NEURL4: variants seen among roughly 807,000 people sequenced by gnomAD.
The protein encoded by NEURL4 is neuralized E3 ubiquitin protein ligase 4, also known as neuralized-like protein 4.
Under a neutral mutation model 148.0 loss-of-function variants are expected in NEURL4, and 45 were observed. The observed-to-expected ratio is 0.30, with a 90% CI of 0.24 to 0.39. NEURL4 has a LOEUF of 0.39. NEURL4 is among the 10% of genes least tolerant of loss of function. NEURL4 has a pLI of 1.00. For missense variants in NEURL4, 1,776 were observed against 2,144.0 expected (o/e 0.83, Z 3.39); for synonymous variants, 854 against 869.0 (o/e 0.98, Z 0.30).
chr17:7,325,144 T>TTGGGGGGG, intron 8 of NEURL4, 65 bp downstream of exon 8: 47 of 956,372 alleles, frequency 4.9e-5, no homozygotes, highest in Non-Finnish European at 6.2e-5. Context: ...TCCACTTCCT[T>TTGGGGGGG]GCCCCGCCCC....
intron 8 of NEURL4, 65 bp downstream of exon 8, chr17:7,325,144 T>TTGGGGGGGGGGGGGGGGGGGG: frequency 7.3e-6 from 7 of 956,486 alleles, no homozygotes; most frequent in Non-Finnish European, 1.1e-5. Flanking sequence ...TCCACTTCCT[T>TTGGGGGGGGGGGGGGGGGGGG]GCCCCGCCCC....
In NEURL4 at chr17:7,317,780, A is replaced by G. The variant is rs779277383; in HGVS notation, c.4205+8T>C. The G allele has an allele frequency of 1.1e-5, 18 of 1,612,736 alleles. No homozygotes were observed. Among genetic ancestry groups the G allele is most frequent in the Non-Finnish European group, 1.3e-5 (15 of 1,179,762 alleles). On this transcript the variant is annotated splice_region_variant and intron_variant, in intron 26 of 28. Coordinates refer to ENST00000399464, the MANE Select transcript of NEURL4 (RefSeq NM_032442.3). ...GTAGGGGAAAGGCATGACCTTGCCCATATGTACCTGAGGTTGAACCTGCAC... is the reference window on the plus strand; with the variant it reads ...GTAGGGGAAAGGCATGACCTTGCCCGTATGTACCTGAGGTTGAACCTGCAC...
Position 7,321,383 on chromosome 17 carries a change from G to A in NEURL4, c.3176C>T (p.Pro1059Leu). 1 of 1,614,090 alleles carries A rather than the reference G, an allele frequency of 6.2e-7. No individual in the cohort carries two copies. The highest frequency in any genetic ancestry group is 1.1e-5 in the South Asian group (1 of 91,078). Residue 1059 changes from proline (P) to leucine (L), a missense_variant, in exon 19 of 29, where the codon CCT (proline) becomes CTT (leucine). By Grantham distance (98) the Pro-to-Leu change is moderately conservative. Transcript: ENST00000399464. This position sits in a 1 kb window ranked among gnomAD's most constrained non-coding sequence, Gnocchi z 6.3. ...TACCTTGGCAATGCCAGTGGCTGCA[G>A]GCCCCATATCCTCTCCATCCACCAG... ...HILVDGEDMG[P>L]AATGIAKNVW...
Position 7,317,555 on chromosome 17 carries a change from C to T in NEURL4, c.4224G>A (p.Glu1408=), listed in dbSNP as rs1352741781. ...RFNLRVNPRL[E]AGTLTKKWHM... Reference sequence around the variant, plus strand: ...GCCACTTCTTGGTTAGTGTCCCAGCCTCCAGGCGGGGATTCACTCTAGGAG... The same window carrying T: ...GCCACTTCTTGGTTAGTGTCCCAGCTTCCAGGCGGGGATTCACTCTAGGAG... The change falls in exon 27 of 29, where the codon GAG becomes GAA. Residue 1408 remains glutamate (E), a synonymous_variant. Coordinates refer to ENST00000399464, the MANE Select transcript of NEURL4 (RefSeq NM_032442.3). The T allele has an allele frequency of 2.3e-5, 37 of 1,614,080 alleles. No homozygotes were observed. The highest frequency in any genetic ancestry group is 3.1e-5 in the Non-Finnish European group (36 of 1,180,022).
In NEURL4 at chr17:7,317,389, C is replaced by G; in HGVS notation, c.4319-19G>C. The stretch of plus-strand genomic sequence containing the variant: ...GCAGTACCTGGGAGGAGAACTGGGT[C>G]AGGATAGCCCTTTTTATTCCTCCAC... On this transcript the variant is annotated intron_variant, in intron 27 of 28. Coordinates refer to ENST00000399464, the MANE Select transcript of NEURL4 (RefSeq NM_032442.3). 1 of 1,598,492 alleles carries G rather than the reference C, an allele frequency of 6.3e-7. No homozygotes were observed. The highest frequency in any genetic ancestry group is 8.5e-7 in the Non-Finnish European group (1 of 1,171,274).
chr17:7,317,272 GCTGCTC>G lies in NEURL4; in HGVS notation c.4411_4416del (p.Glu1471_Gln1472del). On this transcript the variant is annotated inframe_deletion, in exon 28 of 29. Coordinates refer to ENST00000399464, the MANE Select transcript of NEURL4 (RefSeq NM_032442.3). Reference sequence around the variant, plus strand: ...GAGGGGGAAAGCAGCACAGGAGGGGGCTGCTCCTCCCGAGGAGGTGCACAGTTCTCG... The same window carrying G: ...GAGGGGGAAAGCAGCACAGGAGGGGGCTCCCGAGGAGGTGCACAGTTCTCG... 6.6e-7 allele frequency: 1 copy of G among 1,524,700 alleles called. No homozygotes were observed. The highest frequency in any genetic ancestry group is 2.3e-5 in the East Asian group (1 of 43,968). The allele number at this position is 1,524,700 out of a possible 1,614,324, so 94.4% of individuals were successfully genotyped here.
intron 27 of NEURL4, 23 bp downstream of exon 27, chr17:7,317,438 T>C (rs2072964309): frequency 3.7e-6 from 6 of 1,612,846 alleles, no homozygotes; most frequent in Middle Eastern, 1.6e-4. Flanking sequence ...CAGCCCACCT[T>C]GCATGGGCCT....
chr17:7,328,933 G>T, intron 1 of NEURL4, 98 bp downstream of exon 1: 1 of 1,190,594 alleles, frequency 8.4e-7, no homozygotes, highest in Non-Finnish European at 1.1e-6. Context: ...CCCTCTCGGT[G>T]CCCGGCAATG....
At position 7,321,432 on chromosome 17, in the gene NEURL4, C is replaced by G. The variant is rs2073032261; in HGVS notation, c.3127G>C (p.Gly1043Arg). ...AGGATGTGCATCGTGTCATCTGCCC[C>G]CCGACGAACACCCACACGGCTCCCC... Reference protein sequence around the residue: ...GVGSRVGVRRGADDTMHILVD... With the variant: ...GVGSRVGVRRRADDTMHILVD... Residue 1043 changes from glycine (G) to arginine (R), a missense_variant, in exon 19 of 29, where the codon GGG (glycine) becomes CGG (arginine). Transcript: ENST00000399464. This position sits in a 1 kb window ranked among gnomAD's most constrained non-coding sequence, Gnocchi z 6.3. 6.2e-7 allele frequency: 1 copy of G among 1,614,160 alleles called. No homozygotes were observed. Among genetic ancestry groups the G allele is most frequent in the East Asian group, 2.2e-5 (1 of 44,880 alleles).
chr17:7,328,961 C>G lies in NEURL4; in HGVS notation c.282+70G>C, dbSNP rs1024287321. 8 of 1,420,154 alleles carry G rather than the reference C, an allele frequency of 5.6e-6. No individual in the cohort carries two copies. In the African/African-American group the frequency reaches 1.0e-4, roughly 18 times the overall value. The allele number at this position is 1,420,154 out of a possible 1,614,324, so 88.0% of individuals were successfully genotyped here. A position where few individuals can be genotyped will look rare whatever the true frequency, so the allele number is the denominator to read the frequency against. On this transcript the variant is annotated intron_variant, in intron 1 of 28. Transcript: ENST00000399464. ...CGGCAATGTGGGCTACCCTGGCTGT[C>G]CTACCCCGTCTCCCTCTAGACGCCT...
rs769349134 is a variant in NEURL4 at position 7,317,849 on chromosome 17, G to A, written c.4144C>T (p.Arg1382Cys). Residue 1382 changes from arginine to cysteine, a missense_variant, in exon 26 of 29, where the codon CGC becomes TGC. Physicochemically the swap from Arg to Cys is radical, Grantham distance 180 (BLOSUM62 -3). Transcript: ENST00000399464. Reference protein sequence around the residue: ...RKLRGDEAHRRRGEPPREYAL... With the variant: ...RKLRGDEAHRCRGEPPREYAL... ...TATTCCCGGGGAGGCTCCCCTCTGC[G>A]CCTGTGGGCCTCGTCTCCTCGCAGC... The A allele has an allele frequency of 1.2e-5, 20 of 1,614,110 alleles. 1 individual carries two copies. In the South Asian group the frequency reaches 2.0e-4, roughly 16 times the overall value.
At chr17:7,317,397 C>A in intron 27 of NEURL4, 27 bp from the exon 28 acceptor site, 1 of 1,606,252 alleles carries the variant, frequency 6.2e-7, no homozygotes, top group Non-Finnish European at 8.5e-7. Context: ...GTCAGGATAG[C>A]CCTTTTTATT....
chr17:7,325,170 A>T, intron 8 of NEURL4, 39 bp downstream of exon 8: 1 of 563,208 alleles, frequency 1.8e-6, no homozygotes, highest in Non-Finnish European at 2.9e-6. Context: ...CCCCATTAGA[A>T]TCCCTTCTTC....
chr17:7,326,161 G>C lies in NEURL4; in HGVS notation c.1293+94C>G. On this transcript the variant is annotated intron_variant, in intron 6 of 28. Transcript: ENST00000399464. This position sits in a 1 kb window ranked among gnomAD's most constrained non-coding sequence, Gnocchi z 6.0. ...TGGAAGATACAGGGACTGCCTCTAG[G>C]TCACATAGGAGACCCTGCTTGGTGC... 1 of 1,197,120 alleles carries C rather than the reference G, an allele frequency of 8.4e-7. No homozygotes were observed. The highest frequency in any genetic ancestry group is 1.2e-6 in the Non-Finnish European group (1 of 822,220). 74.2% of individuals were successfully genotyped at this position (1,197,120 alleles called of 1,614,324 possible). A position where few individuals can be genotyped will look rare whatever the true frequency, so the allele number is the denominator to read the frequency against.
rs1358201122 is a variant in NEURL4 at position 7,316,612 on chromosome 17, CCTTA to C, written c.4485-289_4485-286del. ...CCCATTCTTTCTCTGTTTCCATAGTCCTTACTTATTACCTTTAAAAATACTAAAT... is the reference window on the plus strand; with the variant it reads ...CCCATTCTTTCTCTGTTTCCATAGTCCTTATTACCTTTAAAAATACTAAAT... On this transcript the variant is annotated intron_variant, in intron 28 of 28. Transcript: ENST00000399464. 7.2e-5 allele frequency among the ~76,000 whole-genome samples: 11 copies of C among 152,302 alleles called. No homozygotes were observed. In the South Asian group the frequency reaches 1.2e-3, roughly 17 times the overall value.
chr17:7,316,095 T>TGTGCTTGTAGTA lies in NEURL4; in HGVS notation c.*16_*27dup. ...AGAGTCCATGGGCCCGCGGCCCGACTGTGCTTGTAGTAGTGGTGTCTCACC... is the reference window on the plus strand; with the variant it reads ...AGAGTCCATGGGCCCGCGGCCCGACTGTGCTTGTAGTAGTGCTTGTAGTAGTGGTGTCTCACC... On this transcript the variant is annotated 3_prime_UTR_variant, in exon 29 of 29. Transcript: ENST00000399464. The TGTGCTTGTAGTA allele has an allele frequency of 8.4e-7, 1 of 1,184,318 alleles. No homozygotes were observed. The highest frequency in any genetic ancestry group is 2.3e-5 in the East Asian group (1 of 42,950). The allele number at this position is 1,184,318 out of a possible 1,614,324, so 73.4% of individuals were successfully genotyped here. A position where few individuals can be genotyped will look rare whatever the true frequency, so the allele number is the denominator to read the frequency against.
chr17:7,324,618 G>T lies in NEURL4; in HGVS notation c.1814-138C>A. On this transcript the variant is annotated intron_variant, in intron 9 of 28. Coordinates refer to ENST00000399464, the MANE Select transcript of NEURL4 (RefSeq NM_032442.3). This position sits in a 1 kb window ranked among gnomAD's most constrained non-coding sequence, Gnocchi z 5.9. ...ATGACTAGATTTCTTCCCTGAGCAG[G>T]ACAAGAAAACTCTGCAGCTTCCAAG... 9.3e-7 allele frequency: 1 copy of T among 1,075,206 alleles called. No homozygotes were observed. Among genetic ancestry groups the T allele is most frequent in the Non-Finnish European group, 1.4e-6 (1 of 731,108 alleles). 66.6% of individuals were successfully genotyped at this position (1,075,206 alleles called of 1,614,324 possible).
At chr17:7,319,753 G>GA (rs1567619257) in intron 21 of NEURL4, among the ~76,000 whole-genome samples, 1 of 150,226 alleles carries the variant, frequency 6.7e-6, no homozygotes, top group Non-Finnish European at 1.5e-5. Flanking sequence ...TTTGAGCCTT[G>GA]ACCTTGCTGT....
intron 13 of NEURL4, 39 bp downstream of exon 13, chr17:7,323,608 G>C (rs2073060004): frequency 1.2e-6 from 2 of 1,613,854 alleles, no homozygotes; most frequent in Non-Finnish European, 1.7e-6. Context: ...CCAAGGCACA[G>C]ACATCCAACA....
Sources: allele counts gnomAD v4.1 joint callset (sites outside exome capture counted in the v4.1 genomes callset), GRCh38; gene constraint gnomAD v4.1.1; non-coding constraint Gnocchi (gnomAD v3.1); transcripts MANE v1.5; gene names NCBI Gene and HGNC (gene_info 2026-07-23, HGNC 2026-07-21).